Variants in LRRC8D observed in about 807,000 individuals in gnomAD.
LRRC8D encodes leucine rich repeat containing 8 VRAC subunit D.
A neutral mutation model predicts 55.8 loss-of-function variants in LRRC8D; 20 were observed. The ratio of observed to expected loss-of-function variants is 0.36; its 90% confidence interval spans 0.25 to 0.52. The LOEUF is 0.52. LRRC8D is among the 20% of genes least tolerant of loss of function. LRRC8D has a pLI of 0.93. For synonymous variants in LRRC8D, 352 were observed against 377.0 expected (o/e 0.93, Z 0.77); for missense variants, 651 against 1,030.8 (o/e 0.63, Z 5.05).
chr1:89,857,190 C>G (rs1661579712), intron 2 of LRRC8D, among the ~76,000 whole-genome samples: 1 of 151,778 alleles, frequency 6.6e-6, no homozygotes, highest in Admixed American at 6.6e-5. Flanking sequence ...CAAGACCAGC[C>G]TGACCAACAT....
intron 2 of LRRC8D, among the ~76,000 whole-genome samples, chr1:89,906,479 T>G (rs1317983144): frequency 6.6e-6 from 1 of 152,200 alleles, no homozygotes; most frequent in Non-Finnish European, 1.5e-5. Flanking sequence ...TGACTCTGCC[T>G]TTTCTATTTT....
At chr1:89,848,946 C>A (rs560258318) in intron 2 of LRRC8D, among the ~76,000 whole-genome samples, 1 of 152,234 alleles carries the variant, frequency 6.6e-6, no homozygotes, top group South Asian at 2.1e-4. Context: ...GATCTGCCCG[C>A]CTCTGCCTCC....
chr1:89,874,443 TTGTGTGTGTGTGTGTGTG>T (rs36202085), intron 2 of LRRC8D, among the ~76,000 whole-genome samples: 21 of 146,294 alleles, frequency 1.4e-4, no homozygotes, highest in South Asian at 6.8e-4. Flanking sequence ...AAGAAACTAT[TTGTGTGTGTGTGTGTGTG>T]TGTGTGTGTG....
At chr1:89,913,282 C>T (rs1244154916) in intron 2 of LRRC8D, among the ~76,000 whole-genome samples, 1 of 152,188 alleles carries the variant, frequency 6.6e-6, no homozygotes, top group African/African-American at 2.4e-5. Flanking sequence ...CCTAGCTAAA[C>T]TGGGTGGTGA....
At chr1:89,825,036 G>GT (rs1050842882) in intron 1 of LRRC8D, among the ~76,000 whole-genome samples, 4 of 151,986 alleles carry the variant, frequency 2.6e-5, no homozygotes, top group South Asian at 2.1e-4. Flanking sequence ...TTTTGGAGAA[G>GT]TTTTTTTTGT....
chr1:89,856,617 C>T (rs545088677), intron 2 of LRRC8D, among the ~76,000 whole-genome samples: 4 of 152,308 alleles, frequency 2.6e-5, no homozygotes, highest in African/African-American at 7.2e-5. Flanking sequence ...GATCTCCAAG[C>T]AGTTTACTGC....
At chr1:89,830,412 A>C (rs1660859455) in intron 1 of LRRC8D, among the ~76,000 whole-genome samples, 5 of 152,218 alleles carry the variant, frequency 3.3e-5, no homozygotes, top group South Asian at 2.1e-4. Context: ...TTTCAATTCC[A>C]AAATAGTTTC....
At chr1:89,859,960 G>A (rs1661658946) in intron 2 of LRRC8D, among the ~76,000 whole-genome samples, 1 of 152,216 alleles carries the variant, frequency 6.6e-6, no homozygotes, top group South Asian at 2.1e-4. Context: ...TCTAGATGAA[G>A]AATCAGTATA....
chr1:89,933,457 A>G lies in LRRC8D; in HGVS notation c.389A>G (p.Glu130Gly). Residue 130 changes from glutamate to glycine, a missense_variant, in exon 3 of 3, where the codon GAG (glutamate) becomes GGG (glycine). By Grantham distance (98) the Glu-to-Gly change is moderately conservative. Coordinates refer to ENST00000337338, the MANE Select transcript of LRRC8D (RefSeq NM_001134479.2). This position sits in a 1 kb window ranked among gnomAD's most constrained non-coding sequence, Gnocchi z 7.0. The part of the protein sequence containing the change: ...FALPNQEAKK[E>G]KKDPTGRKTN... ...CTTCCAAATCAGGAGGCAAAGAAAG[A>G]GAAGAAAGATCCAACAGGTCGAAAA... 1 of 1,614,224 alleles carries G rather than the reference A, an allele frequency of 6.2e-7. No homozygotes were observed. Among genetic ancestry groups the G allele is most frequent in the East Asian group, 2.2e-5 (1 of 44,888 alleles).
chr1:89,934,710 G>A lies in LRRC8D; in HGVS notation c.1642G>A (p.Asp548Asn). Reference protein sequence around the residue: ...HLRCLHVKFTDVAEIPAWVYL... With the variant: ...HLRCLHVKFTNVAEIPAWVYL... Reference sequence around the variant, plus strand: ...GAGATGCCTTCACGTGAAGTTCACTGATGTGGCTGAAATTCCTGCCTGGGT... The same window carrying A: ...GAGATGCCTTCACGTGAAGTTCACTAATGTGGCTGAAATTCCTGCCTGGGT... The change falls in exon 3 of 3, where the codon GAT becomes AAT. Residue 548 changes from aspartate (D) to asparagine (N), a missense_variant. Asp to Asn is a conservative substitution (Grantham distance 23). Coordinates refer to ENST00000337338, the MANE Select transcript of LRRC8D (RefSeq NM_001134479.2). This position sits in a 1 kb window ranked among gnomAD's most constrained non-coding sequence, Gnocchi z 5.9. 1.2e-6 allele frequency: 2 copies of A among 1,614,172 alleles called. No homozygotes were observed. Among genetic ancestry groups the A allele is most frequent in the South Asian group, 1.1e-5 (1 of 91,080 alleles).
At chr1:89,884,634 G>C (rs1662368863) in intron 2 of LRRC8D, among the ~76,000 whole-genome samples, 1 of 152,340 alleles carries the variant, frequency 6.6e-6, no homozygotes, top group South Asian at 2.1e-4. Context: ...TCTAGAAGCA[G>C]GGTGACCTTT....
At chr1:89,827,638 G>A (rs1660795489) in intron 1 of LRRC8D, among the ~76,000 whole-genome samples, 6 of 152,170 alleles carry the variant, frequency 3.9e-5, no homozygotes, top group Admixed American at 3.9e-4. Context: ...GAAACCACAA[G>A]GATAGGGCCA....
At chr1:89,829,418 G>A (rs1438082826) in intron 1 of LRRC8D, among the ~76,000 whole-genome samples, 1 of 152,156 alleles carries the variant, frequency 6.6e-6, no homozygotes, top group Non-Finnish European at 1.5e-5. Flanking sequence ...TTGCAACAAC[G>A]TCACATAGAA....
rs1423277036 is a variant in LRRC8D, at chr1:89,934,804, T to C, written c.1736T>C (p.Ile579Thr). 1.2e-6 allele frequency: 2 copies of C among 1,614,022 alleles called. No individual in the cohort carries two copies. The highest frequency in any genetic ancestry group is 2.7e-5 in the African/African-American group (2 of 74,902). The change falls in exon 3 of 3, where the codon ATA becomes ACA. Residue 579 changes from isoleucine (I) to threonine (T), a missense_variant. Physicochemically the swap from Ile to Thr is moderately conservative, Grantham distance 89 (BLOSUM62 -1). Transcript: ENST00000337338. This position sits in a 1 kb window ranked among gnomAD's most constrained non-coding sequence, Gnocchi z 5.9. ...GNLNSENNKMIGLESLRELRH... is the reference protein window; with the variant it reads ...GNLNSENNKMTGLESLRELRH... ...TTGAACTCTGAAAACAATAAGATGA[T>C]AGGACTTGAATCTCTCCGAGAGTTG... is the stretch of plus-strand genomic sequence containing the variant.
intron 2 of LRRC8D, among the ~76,000 whole-genome samples, chr1:89,910,293 A>G (rs2802024): frequency 0.3 from 44,911 of 152,084 alleles, 7,041 homozygotes; most frequent in African/African-American, 0.39. Context: ...CCTTGTAACA[A>G]GTTTCTTGGC....
At chr1:89,898,011 C>T (rs962912487) in intron 2 of LRRC8D, among the ~76,000 whole-genome samples, 1 of 152,120 alleles carries the variant, frequency 6.6e-6, no homozygotes, top group South Asian at 2.1e-4. Context: ...CCCACCTAAC[C>T]GCCATACTCG....
chr1:89,912,353 C>T (rs1198448800), intron 2 of LRRC8D, among the ~76,000 whole-genome samples: 5 of 152,128 alleles, frequency 3.3e-5, no homozygotes, highest in Admixed American at 6.5e-5. Context: ...TGAACTTTCC[C>T]TGAGTTGTAC....
intron 2 of LRRC8D, among the ~76,000 whole-genome samples, chr1:89,878,077 G>A (rs1167831111): frequency 6.6e-6 from 1 of 152,056 alleles, no homozygotes; most frequent in Admixed American, 6.6e-5. Flanking sequence ...ATGTCACTAT[G>A]GGTTTTTAAA....
At chr1:89,833,781 G>A (rs1285625375) in intron 1 of LRRC8D, 1 of 152,304 alleles carries the variant, frequency 6.6e-6, no homozygotes. Context: ...TGGTGAGGTA[G>A]GTGGTTGGGG....
Sources: gnomAD v4.1 joint callset for allele counts (sites outside exome capture counted in the v4.1 genomes callset) on GRCh38, gnomAD v4.1.1 for gene constraint, Gnocchi (gnomAD v3.1) non-coding constraint, MANE v1.5 for transcripts, NCBI Gene and HGNC (gene_info 2026-07-23, HGNC 2026-07-21) for gene names.